DNMBP: variants seen among roughly 807,000 people sequenced by gnomAD.
DNMBP encodes dynamin-binding protein.
In DNMBP, 87 loss-of-function variants were observed where a neutral mutation model predicts 150.0. The observed-to-expected ratio is 0.58, with a 90% CI of 0.49 to 0.69. DNMBP has a LOEUF of 0.69. Ranked by LOEUF, DNMBP falls within the 30% of genes least tolerant of loss-of-function variation. DNMBP has a pLI of 0.00. For synonymous variants in DNMBP, 711 were observed against 750.4 expected (o/e 0.95, Z 0.86); for missense variants, 1,774 against 1,949.0 (o/e 0.91, Z 1.69).
At chr10:99,961,271 T>TC (rs1404787183) in intron 3 of DNMBP, among the ~76,000 whole-genome samples, 35 of 128,254 alleles carry the variant, frequency 2.7e-4, no homozygotes, top group African/African-American at 6.0e-4. Flanking sequence ...CTTTTTCTTT[T>TC]TTTTTTTTTT....
chr10:99,934,585 G>T (rs1175566650), intron 4 of DNMBP, among the ~76,000 whole-genome samples: 1 of 134,658 alleles, frequency 7.4e-6, no homozygotes, highest in African/African-American at 2.8e-5. Flanking sequence ...TATATTTTGG[G>T]TAATAAGAAT....
intron 4 of DNMBP, among the ~76,000 whole-genome samples, chr10:99,941,103 G>A (rs990945774): frequency 1.3e-5 from 2 of 151,764 alleles, no homozygotes. Flanking sequence ...CCGGATGGTC[G>A]CAAACTCCTG....
chr10:99,991,838 G>A (rs2040895543), intron 1 of DNMBP, among the ~76,000 whole-genome samples: 1 of 149,456 alleles, frequency 6.7e-6, no homozygotes, highest in Non-Finnish European at 1.5e-5. Context: ...CCCAGGAGGC[G>A]AAGTTTGCAG....
At chr10:100,002,965 C>T (rs2041031847) in intron 1 of DNMBP, among the ~76,000 whole-genome samples, 1 of 152,140 alleles carries the variant, frequency 6.6e-6, no homozygotes, top group Non-Finnish European at 1.5e-5. Context: ...GAGAACAAGA[C>T]AAAGATGCCC....
At position 99,880,037 on chromosome 10, in the gene DNMBP, G is replaced by A. The variant is rs2039340186; in HGVS notation, c.4322C>T (p.Thr1441Ile). 1.9e-6 allele frequency: 3 copies of A among 1,614,194 alleles called. No individual in the cohort carries two copies. The highest frequency in any genetic ancestry group is 2.2e-5 in the East Asian group (1 of 44,882). Residue 1441 changes from threonine to isoleucine, a missense_variant, in exon 16 of 17, where the codon ACC becomes ATC. Thr to Ile is a moderately conservative substitution (Grantham distance 89). Coordinates refer to ENST00000324109, the MANE Select transcript of DNMBP (RefSeq NM_015221.4). ...AGAGTCCCCTGACCTTGGCTGGGAG[G>A]TGGAGTCTGGGTCTGAAGGGCATCT... is the stretch of plus-strand genomic sequence containing the variant. The part of the protein sequence containing the change: ...PSRCPSDPDS[T>I]SQPRSGDSAD...
At chr10:99,886,152 A>C in intron 13 of DNMBP, 148 bp downstream of exon 13, 1 of 755,162 alleles carries the variant, frequency 1.3e-6, no homozygotes, top group African/African-American at 1.8e-5. Flanking sequence ...GACACCATCA[A>C]GGGATTAAGA....
chr10:99,938,389 C>T (rs189098593), intron 4 of DNMBP, among the ~76,000 whole-genome samples: 3 of 152,034 alleles, frequency 2.0e-5, no homozygotes, highest in Admixed American at 2.0e-4. Context: ...ACTAAAAATA[C>T]AAAAAATTAG....
intron 4 of DNMBP, chr10:99,930,163 G>C (rs1267155346): frequency 1.4e-6 from 1 of 702,932 alleles, no homozygotes; most frequent in East Asian, 2.7e-5. Flanking sequence ...AAATTGCTGT[G>C]TTCTCTACAA....
intron 4 of DNMBP, among the ~76,000 whole-genome samples, chr10:99,924,451 CAAAAACA>C (rs1046606461): frequency 2.0e-5 from 3 of 152,094 alleles, no homozygotes; most frequent in Non-Finnish European, 2.9e-5. Flanking sequence ...TCAAAAATAA[CAAAAACA>C]AAAAACAAAA....
chr10:99,895,959 T>G (rs773899707), intron 10 of DNMBP, among the ~76,000 whole-genome samples: 3 of 152,234 alleles, frequency 2.0e-5, no homozygotes, highest in Non-Finnish European at 4.4e-5. Flanking sequence ...TGTAACATCA[T>G]GTATCCAACT....
At position 99,991,984 on chromosome 10, in the gene DNMBP, T is replaced by A. The variant is rs2040898637; in HGVS notation, c.-11+17854A>T. On this transcript the variant is annotated intron_variant, in intron 1 of 16. Coordinates refer to ENST00000324109, the MANE Select transcript of DNMBP (RefSeq NM_015221.4). ...TGGGAGCAGTAGCACATGCCTGTAA[T>A]CTCACCACTTTAGGAGGCCAAGGGG... is the stretch of plus-strand genomic sequence containing the variant. 2.4e-5 allele frequency among the ~76,000 whole-genome samples: 3 copies of A among 126,964 alleles called. No individual in the cohort carries two copies. In the South Asian group the frequency reaches 7.3e-4, roughly 31 times the overall value. 83.3% of individuals were successfully genotyped at this position (126,964 alleles called of 152,430 possible).
chr10:99,976,981 C>T (rs1564752112), intron 1 of DNMBP, among the ~76,000 whole-genome samples: 1 of 152,216 alleles, frequency 6.6e-6, no homozygotes, highest in South Asian at 2.1e-4. Flanking sequence ...GCATAAACCC[C>T]ATATAATTAC....
At chr10:99,914,163 A>G in intron 4 of DNMBP, 1 of 1,275,528 alleles carries the variant, frequency 7.8e-7, no homozygotes, top group Non-Finnish European at 1.0e-6. Context: ...ATGGAGCTGG[A>G]ACCCTAAGCG....
chr10:99,998,485 C>T (rs552157360), intron 1 of DNMBP, among the ~76,000 whole-genome samples: 18 of 144,010 alleles, frequency 1.2e-4, no homozygotes, highest in African/African-American at 2.1e-4. Flanking sequence ...GAGGCTGGGG[C>T]GGGAGAATCG....
At chr10:99,995,880 C>T (rs771036222) in intron 1 of DNMBP, among the ~76,000 whole-genome samples, 2 of 152,244 alleles carry the variant, frequency 1.3e-5, no homozygotes, top group Non-Finnish European at 1.5e-5. Flanking sequence ...GGTGCTGCCA[C>T]GTCAGGCACA....
intron 6 of DNMBP, among the ~76,000 whole-genome samples, chr10:99,905,289 T>C (rs1234854692): frequency 6.6e-6 from 1 of 152,152 alleles, no homozygotes; most frequent in African/African-American, 2.4e-5. Flanking sequence ...TTCCAGAAAA[T>C]GCAAAAGACA....
chr10:99,886,773 T>C, intron 12 of DNMBP, 141 bp from the exon 13 acceptor site: 1 of 691,680 alleles, frequency 1.4e-6, no homozygotes, highest in Non-Finnish European at 2.4e-6. Flanking sequence ...CATACAGATC[T>C]ACAACAGTAT....
chr10:99,956,090 T>C lies in DNMBP; in HGVS notation c.1384A>G (p.Lys462Glu), dbSNP rs771629760. 1 of 1,614,070 alleles carries C rather than the reference T, an allele frequency of 6.2e-7. No individual in the cohort carries two copies. The highest frequency in any genetic ancestry group is 1.7e-5 in the Admixed American group (1 of 59,990). The change falls in exon 4 of 17, where the codon AAA (lysine) becomes GAA (glutamate). Residue 462 changes from lysine (K) to glutamate (E), a missense_variant. Lys to Glu is a moderately conservative substitution (Grantham distance 56). Around this residue, in one of 2 missense-constraint regions of DNMBP, gnomAD observed 1,430 missense variants for 1,492.5 expected, o/e 0.96. Transcript: ENST00000324109. ...RTRDYASLPP[K>E]RMYSQLKTLQ... Reference sequence around the variant, plus strand: ...GTTTTTAGCTGGGAATACATTCTTTTGGGAGGTAGGCTGGCATAGTCTCTA... The same window carrying C: ...GTTTTTAGCTGGGAATACATTCTTTCGGGAGGTAGGCTGGCATAGTCTCTA...
chr10:99,911,160 G>C lies in DNMBP; in HGVS notation c.2261-2014C>G, dbSNP rs978467213. On this transcript the variant is annotated intron_variant, in intron 4 of 16. Coordinates refer to ENST00000324109, the MANE Select transcript of DNMBP (RefSeq NM_015221.4). ...GGAGGCTGAGGTGGGAGGATGGCTT[G>C]AGCCTGGGTGGCAGAGGTTGCAGTA... Among the ~76,000 whole-genome samples the C allele has an allele frequency of 3.9e-5, 6 of 152,080 alleles. No homozygotes were observed. The East Asian group carries it at 1.2e-3, about 29-fold the overall frequency.
Sources: allele counts gnomAD v4.1 joint callset (sites outside exome capture counted in the v4.1 genomes callset), GRCh38; gene constraint gnomAD v4.1.1; regional missense constraint gnomAD v4.1.1; transcripts MANE v1.5; gene names NCBI Gene and HGNC (gene_info 2026-07-23, HGNC 2026-07-21).